The following CHCHD6 variants were observed in gnomAD, a reference collection of about 807,000 sequenced individuals.
CHCHD6 encodes MICOS complex subunit MIC25.
A neutral mutation model predicts 32.3 loss-of-function variants in CHCHD6; 28 were observed. The observed-to-expected ratio is 0.87, with a 90% CI of 0.64 to 1.19. The LOEUF (loss-of-function observed/expected upper bound fraction) is 1.19, where lower values mean the gene tolerates loss of function less well. Ranked by LOEUF, CHCHD6 falls within the 50% of genes most tolerant of loss-of-function variation. The pLI is 0.00. For missense variants in CHCHD6, 333 were observed against 307.0 expected (o/e 1.08, Z -0.63); for synonymous variants, 122 against 117.5 (o/e 1.04, Z -0.25).
At chr3:126,795,867 G>C (rs1404440435) in intron 4 of CHCHD6, among the ~76,000 whole-genome samples, 1 of 152,118 alleles carries the variant, frequency 6.6e-6, no homozygotes, top group Non-Finnish European at 1.5e-5. Flanking sequence ...TTCTGCTGGG[G>C]CTCTGTATTT....
chr3:126,733,442 T>C (rs1429863888), intron 4 of CHCHD6, among the ~76,000 whole-genome samples: 2 of 152,208 alleles, frequency 1.3e-5, no homozygotes, highest in Non-Finnish European at 2.9e-5. Flanking sequence ...GCCTTTGGCA[T>C]GTTTTTGCAG....
intron 5 of CHCHD6, among the ~76,000 whole-genome samples, chr3:126,889,311 C>T (rs939578660): frequency 6.6e-6 from 1 of 152,124 alleles, no homozygotes; most frequent in Non-Finnish European, 1.5e-5. Context: ...ACTGATGTGT[C>T]ACTGAGAAGG....
At chr3:126,918,712 G>T (rs1576601685) in intron 6 of CHCHD6, among the ~76,000 whole-genome samples, 1 of 152,146 alleles carries the variant, frequency 6.6e-6, no homozygotes, top group East Asian at 1.9e-4. Flanking sequence ...TGAGAAGAGA[G>T]AAAAAGAGGA....
chr3:126,733,954 A>C (rs755159324), intron 4 of CHCHD6, among the ~76,000 whole-genome samples: 2 of 152,134 alleles, frequency 1.3e-5, no homozygotes, highest in Non-Finnish European at 2.9e-5. Flanking sequence ...TGCCATCCAC[A>C]GTGTGCCAGT....
At chr3:126,861,148 A>G (rs983059874) in intron 5 of CHCHD6, among the ~76,000 whole-genome samples, 2 of 152,088 alleles carry the variant, frequency 1.3e-5, no homozygotes, top group African/African-American at 4.8e-5. Flanking sequence ...TATCCTTGCT[A>G]CTGCTGTTGT....
At chr3:126,885,802 G>A (rs1331070029) in intron 5 of CHCHD6, among the ~76,000 whole-genome samples, 1 of 152,220 alleles carries the variant, frequency 6.6e-6, no homozygotes, top group Non-Finnish European at 1.5e-5. Flanking sequence ...ATCTTGCCTT[G>A]TCACTTTTAC....
chr3:126,924,744 C>T (rs767663362), intron 6 of CHCHD6, among the ~76,000 whole-genome samples: 10 of 152,180 alleles, frequency 6.6e-5, no homozygotes, highest in Non-Finnish European at 1.3e-4. Context: ...GCTCAGTTTG[C>T]GGACATGTGA....
chr3:126,804,102 G>A (rs1939229466), intron 4 of CHCHD6, among the ~76,000 whole-genome samples: 1 of 151,828 alleles, frequency 6.6e-6, no homozygotes, highest in African/African-American at 2.4e-5. Context: ...ATGCCCACAA[G>A]AGAAAGCAGG....
At chr3:126,931,385 G>C (rs939617262) in intron 6 of CHCHD6, among the ~76,000 whole-genome samples, 2 of 152,212 alleles carry the variant, frequency 1.3e-5, no homozygotes, top group Non-Finnish European at 1.5e-5. Flanking sequence ...GGATGTGCTT[G>C]CTGGGTTGCC....
At chr3:126,781,967 G>A (rs990131822) in intron 4 of CHCHD6, among the ~76,000 whole-genome samples, 7 of 152,132 alleles carry the variant, frequency 4.6e-5, no homozygotes, top group African/African-American at 1.2e-4. Context: ...AGTGTCACAC[G>A]AGAAATGAGA....
At chr3:126,708,238 G>A (rs1934589399) in intron 1 of CHCHD6, among the ~76,000 whole-genome samples, 1 of 152,152 alleles carries the variant, frequency 6.6e-6, no homozygotes, top group South Asian at 2.1e-4. Flanking sequence ...CCTTGTGAGG[G>A]GTCATTATCC....
chr3:126,897,636 C>G (rs2077860062), intron 5 of CHCHD6, among the ~76,000 whole-genome samples: 1 of 152,216 alleles, frequency 6.6e-6, no homozygotes, highest in African/African-American at 2.4e-5. Flanking sequence ...TCTCTCTGAA[C>G]CTGTTTTCTC....
intron 1 of CHCHD6, among the ~76,000 whole-genome samples, chr3:126,704,922 G>A (rs752914571): frequency 7.9e-5 from 12 of 152,158 alleles, no homozygotes; most frequent in Non-Finnish European, 1.5e-4. Flanking sequence ...CTTGGATGAT[G>A]CCTTCCCTGG....
intron 1 of CHCHD6, among the ~76,000 whole-genome samples, chr3:126,716,798 G>A (rs115038217): frequency 0.031 from 4,661 of 151,888 alleles, 95 homozygotes; most frequent in Non-Finnish European, 0.04. Flanking sequence ...GGGGAGGGAC[G>A]GTGCTGGCAG....
intron 5 of CHCHD6, among the ~76,000 whole-genome samples, chr3:126,863,434 A>T: frequency 2.3e-5 from 3 of 129,764 alleles, no homozygotes; most frequent in Non-Finnish European, 3.3e-5. Context: ...CTCCTCCTCC[A>T]CCATCACCTC....
chr3:126,891,493 C>T (rs879798415), intron 5 of CHCHD6, among the ~76,000 whole-genome samples: 2 of 152,046 alleles, frequency 1.3e-5, no homozygotes, highest in East Asian at 3.9e-4. Context: ...ATTAGATAGG[C>T]CTTGGCAGGA....
rs138557368 is a variant in CHCHD6 at position 126,711,058 on chromosome 3, G to A, written c.87+6659G>A. ...TAAGTGTGTTAGGTGTAGGGTTTTC[G>A]TAGATGCCCCTTATCAGATTGGTAA... is the stretch of plus-strand genomic sequence containing the variant. On this transcript the variant is annotated intron_variant, in intron 1 of 7. Coordinates refer to ENST00000290913, the MANE Select transcript of CHCHD6 (RefSeq NM_032343.3). Among the ~76,000 whole-genome samples the A allele has an allele frequency of 4.3e-4, 66 of 152,272 alleles. 2 individuals are homozygous for A. In the East Asian group the frequency reaches 0.011, roughly 25 times the overall value.
In CHCHD6 at chr3:126,852,609, G is replaced by A. The variant is rs186223466; in HGVS notation, c.412-38G>A. On this transcript the variant is annotated intron_variant, in intron 4 of 7. Transcript: ENST00000290913. ...CCTGCAGCACCATTCCAGCACCATC[G>A]CTGCTGGCTAACGTGGGCTTTGTTC... is the stretch of plus-strand genomic sequence containing the variant. The A allele has an allele frequency of 2.8e-5, 42 of 1,513,982 alleles. No individual in the cohort carries two copies. In the African/African-American group the frequency reaches 4.7e-4, roughly 17 times the overall value. 93.8% of individuals were successfully genotyped at this position (1,513,982 alleles called of 1,614,324 possible).
chr3:126,768,643 G>A (rs376856985), intron 4 of CHCHD6, among the ~76,000 whole-genome samples: 11 of 152,080 alleles, frequency 7.2e-5, no homozygotes, highest in South Asian at 2.1e-4. Flanking sequence ...GGGGAATCTC[G>A]CCACATTTTC....
Sources: gnomAD v4.1 joint callset for allele counts (sites outside exome capture counted in the v4.1 genomes callset) on GRCh38, gnomAD v4.1.1 for gene constraint, MANE v1.5 for transcripts, NCBI Gene and HGNC (gene_info 2026-07-23, HGNC 2026-07-21) for gene names.